RARB: variants seen among roughly 807,000 people sequenced by gnomAD.
RARB encodes the protein retinoic acid receptor beta.
RARB carries 17 observed loss-of-function variants against 51.9 expected under a neutral mutation model. The ratio of observed to expected loss-of-function variants is 0.33; its 90% CI spans 0.22 to 0.49. RARB has a LOEUF of 0.49. RARB is among the 20% of genes least tolerant of loss of function. The pLI is 0.99. For missense variants in RARB, 369 were observed against 550.8 expected (o/e 0.67, Z 3.30); for synonymous variants, 215 against 195.4 (o/e 1.10, Z -0.84).
chr3:25,570,158 A>G (rs1273954756), intron 4 of RARB, among the ~76,000 whole-genome samples: 6 of 152,242 alleles, frequency 3.9e-5, no homozygotes, highest in African/African-American at 7.2e-5. Context: ...TCATGCACAC[A>G]TGCATTCACT....
At chr3:24,924,079 C>G (rs1400222345) in intron 2 of RARB, among the ~76,000 whole-genome samples, 1 of 152,110 alleles carries the variant, frequency 6.6e-6, no homozygotes, top group Non-Finnish European at 1.5e-5. Flanking sequence ...CTCCAAAACC[C>G]ATAGCCTTCT....
At chr3:25,361,470 G>A (rs540258793) in intron 5 of RARB, among the ~76,000 whole-genome samples, 82 of 152,260 alleles carry the variant, frequency 5.4e-4, no homozygotes, top group African/African-American at 1.9e-3. Context: ...ACTTTCTGAA[G>A]CCTACTTCTG....
intron 2 of RARB, among the ~76,000 whole-genome samples, chr3:25,472,004 C>T (rs1206838000): frequency 6.6e-6 from 1 of 152,172 alleles, no homozygotes; most frequent in African/African-American, 2.4e-5. Context: ...TTGCCTCTCT[C>T]CCCACCCGCG....
At chr3:25,562,486 CA>C (rs1230274196) in intron 3 of RARB, among the ~76,000 whole-genome samples, 1 of 152,148 alleles carries the variant, frequency 6.6e-6, no homozygotes, top group Non-Finnish European at 1.5e-5. Flanking sequence ...GCAAAGTAAT[CA>C]TTGAGAATAG....
chr3:25,361,924 C>T (rs1313998394), intron 5 of RARB, among the ~76,000 whole-genome samples: 3 of 152,174 alleles, frequency 2.0e-5, no homozygotes, highest in Non-Finnish European at 4.4e-5. Flanking sequence ...TCGACCCCTG[C>T]TGGGAGGTGT....
At chr3:25,242,717 A>G (rs1702462859) in intron 5 of RARB, among the ~76,000 whole-genome samples, 1 of 152,068 alleles carries the variant, frequency 6.6e-6, no homozygotes, top group Non-Finnish European at 1.5e-5. Flanking sequence ...GTAGCCTTGT[A>G]ATATAGTTTG....
chr3:25,386,129 A>G (rs946704998), intron 5 of RARB, among the ~76,000 whole-genome samples: 7 of 152,198 alleles, frequency 4.6e-5, no homozygotes, highest in African/African-American at 1.7e-4. Flanking sequence ...AAGATACACC[A>G]GGGACACAAA....
chr3:25,179,160 G>A (rs1455569090), intron 5 of RARB, among the ~76,000 whole-genome samples: 1 of 152,114 alleles, frequency 6.6e-6, no homozygotes, highest in African/African-American at 2.4e-5. Context: ...ACCAATGATG[G>A]AACATAAAAT....
At chr3:25,360,271 T>C (rs1375536875) in intron 5 of RARB, among the ~76,000 whole-genome samples, 4 of 152,232 alleles carry the variant, frequency 2.6e-5, no homozygotes, top group Non-Finnish European at 4.4e-5. Flanking sequence ...GTTTAAAGTC[T>C]GTTTTATCAG....
intron 5 of RARB, among the ~76,000 whole-genome samples, chr3:25,344,378 A>G (rs1042494568): frequency 3.3e-5 from 5 of 152,214 alleles, no homozygotes; most frequent in African/African-American, 1.2e-4. Context: ...ATTTCTAAGT[A>G]GTGTTTATGT....
At chr3:25,170,932 A>G (rs1575193709) in intron 4 of RARB, among the ~76,000 whole-genome samples, 1 of 152,026 alleles carries the variant, frequency 6.6e-6, no homozygotes, top group South Asian at 2.1e-4. Flanking sequence ...CAATCATGCT[A>G]CCTCCTGTCT....
At chr3:25,359,558 T>G (rs1430823433) in intron 5 of RARB, among the ~76,000 whole-genome samples, 2 of 152,222 alleles carry the variant, frequency 1.3e-5, no homozygotes, top group African/African-American at 4.8e-5. Flanking sequence ...TTCTTTTAAT[T>G]GTGATGTTAG....
chr3:25,528,265 A>G (rs926306573), intron 3 of RARB, among the ~76,000 whole-genome samples: 1 of 152,190 alleles, frequency 6.6e-6, no homozygotes, highest in Admixed American at 6.5e-5. Context: ...GATGGCCAGC[A>G]TTTGATTTAG....
chr3:25,570,797 G>A (rs1385764697), intron 4 of RARB, among the ~76,000 whole-genome samples: 1 of 152,096 alleles, frequency 6.6e-6, no homozygotes. Context: ...AAAAAGCTTA[G>A]GTTGCTCACC....
chr3:25,324,935 G>A (rs1489959640), intron 5 of RARB, among the ~76,000 whole-genome samples: 1 of 152,156 alleles, frequency 6.6e-6, no homozygotes, highest in Non-Finnish European at 1.5e-5. Context: ...TCAAGAGAGC[G>A]TTCTTAGATC....
rs372900712 is a variant in RARB, at chr3:25,007,007, T to C, written c.-379-53118T>C. On this transcript the variant is annotated intron_variant, in intron 2 of 11. Coordinates refer to the RARB transcript ENST00000383772. ...GTTTTCAGTCCTTTTGATATTCAGA[T>C]GCTCTTTTGAATAAGAATGAGTTGC... 1.5e-4 allele frequency among the ~76,000 whole-genome samples: 23 copies of C among 152,332 alleles called. No homozygotes were observed. In the East Asian group the frequency reaches 4.4e-3, roughly 29 times the overall value.
chr3:25,191,427 C>G (rs746600975), intron 5 of RARB, among the ~76,000 whole-genome samples: 1 of 152,042 alleles, frequency 6.6e-6, no homozygotes. Context: ...GAAATTGTCC[C>G]GTGCTAAGAG....
intron 3 of RARB, among the ~76,000 whole-genome samples, chr3:25,067,454 A>G (rs1346103340): frequency 1.3e-5 from 2 of 152,228 alleles, no homozygotes; most frequent in African/African-American, 2.4e-5. Flanking sequence ...GATGCAGGAA[A>G]GAAACCAGAC....
chr3:25,502,190 G>T (rs749857377), intron 3 of RARB, among the ~76,000 whole-genome samples: 2 of 152,146 alleles, frequency 1.3e-5, no homozygotes, highest in African/African-American at 4.8e-5. Flanking sequence ...TGGGTGCTGC[G>T]TGGGGACCCT....
Sources: gnomAD v4.1 joint callset for allele counts (sites outside exome capture counted in the v4.1 genomes callset) on GRCh38, gnomAD v4.1.1 for gene constraint, MANE v1.5 for transcripts, NCBI Gene and HGNC (gene_info 2026-07-23, HGNC 2026-07-21) for gene names.